The following AKAP19 variants were observed in gnomAD, a reference collection of about 807,000 sequenced individuals.
The protein encoded by AKAP19 is small A-kinase anchoring protein.
chr2:189,886,589 G>A, the AKAP19 span, among the ~76,000 whole-genome samples: 2 of 152,246 alleles, frequency 1.3e-5, no homozygotes, highest in South Asian at 2.1e-4. Flanking sequence ...ATGTTAAGTC[G>A]GAAGAATAGA....
the AKAP19 span, chr2:190,137,756 G>A: frequency 1.1e-4 from 1 of 9,370 alleles, no homozygotes; most frequent in East Asian, 7.0e-3. Flanking sequence ...TAGGCAGAGT[G>A]GCTGGGAGCC....
At chr2:190,004,932 C>T in the AKAP19 span, among the ~76,000 whole-genome samples, 1 of 152,210 alleles carries the variant, frequency 6.6e-6, no homozygotes, top group Non-Finnish European at 1.5e-5. Flanking sequence ...CAATTCATTC[C>T]TTCCCATGGG....
the AKAP19 span, among the ~76,000 whole-genome samples, chr2:190,153,275 A>T: frequency 6.6e-6 from 1 of 152,194 alleles, no homozygotes; most frequent in African/African-American, 2.4e-5. Context: ...ATATCCTGCT[A>T]CTTTGCTGAA....
the AKAP19 span, among the ~76,000 whole-genome samples, chr2:189,926,305 G>GT: frequency 6.6e-6 from 1 of 151,870 alleles, no homozygotes; most frequent in South Asian, 2.1e-4. Context: ...TTTGTTTTTT[G>GT]TTTTTTTGAG....
the AKAP19 span, among the ~76,000 whole-genome samples, chr2:189,926,453 ATTTTTTGGG>A: frequency 2.0e-5 from 3 of 149,504 alleles, no homozygotes; most frequent in Non-Finnish European, 4.4e-5. Flanking sequence ...TGCCCCGCTA[ATTTTTTGGG>A]TTTTTAGTAG....
chr2:190,010,467 A>G, the AKAP19 span, among the ~76,000 whole-genome samples: 1 of 152,334 alleles, frequency 6.6e-6, no homozygotes, highest in East Asian at 1.9e-4. Flanking sequence ...GCTGAGCAAC[A>G]TTCAGGGTAA....
the AKAP19 span, among the ~76,000 whole-genome samples, chr2:189,888,287 C>A: frequency 6.6e-6 from 1 of 151,994 alleles, no homozygotes; most frequent in Non-Finnish European, 1.5e-5. Context: ...ATTTCTGAGG[C>A]CTGTTCTATT....
chr2:190,180,220 G>A, the AKAP19 span, among the ~76,000 whole-genome samples: 1 of 152,246 alleles, frequency 6.6e-6, no homozygotes, highest in African/African-American at 2.4e-5. This position sits in a 1 kb window ranked among gnomAD's most constrained non-coding sequence, Gnocchi z 6.8. Flanking sequence ...GCGAGAGTGG[G>A]GTTTCAGGTC....
the AKAP19 span, chr2:189,930,738 A>G: frequency 3.0e-6 from 2 of 658,878 alleles, no homozygotes; most frequent in Non-Finnish European, 5.5e-6. Context: ...TACAGATCAC[A>G]CACTCCCAGA....
the AKAP19 span, among the ~76,000 whole-genome samples, chr2:190,014,334 C>G: frequency 1.3e-5 from 2 of 152,086 alleles, no homozygotes; most frequent in Non-Finnish European, 2.9e-5. Context: ...AGAGGCATGT[C>G]ATATATGGCA....
the AKAP19 span, among the ~76,000 whole-genome samples, chr2:190,155,077 G>C: frequency 1.2e-4 from 19 of 152,194 alleles, no homozygotes; most frequent in African/African-American, 3.4e-4. Context: ...ACAGAAGCAG[G>C]GACAGCCAAC....
chr2:189,977,676 G>A, the AKAP19 span, among the ~76,000 whole-genome samples: 1 of 152,206 alleles, frequency 6.6e-6, no homozygotes, highest in Non-Finnish European at 1.5e-5. Flanking sequence ...AAAACAAGAT[G>A]TAACTGCTGG....
the AKAP19 span, among the ~76,000 whole-genome samples, chr2:189,975,778 C>T: frequency 1.3e-5 from 2 of 152,160 alleles, no homozygotes; most frequent in East Asian, 3.9e-4. Flanking sequence ...ATCGAATCGG[C>T]TACTGAAGCT....
At chr2:190,163,163 G>A in the AKAP19 span, among the ~76,000 whole-genome samples, 2 of 152,154 alleles carry the variant, frequency 1.3e-5, no homozygotes, top group Admixed American at 6.5e-5. Context: ...GGCCGGGCGC[G>A]GTGGCTCACG....
the AKAP19 span, among the ~76,000 whole-genome samples, chr2:189,955,475 G>C: frequency 6.6e-6 from 1 of 152,174 alleles, no homozygotes; most frequent in African/African-American, 2.4e-5. Flanking sequence ...CTTTGGGTAG[G>C]TACCCAGTAG....
At chr2:190,063,245 A>G in the AKAP19 span, among the ~76,000 whole-genome samples, 1 of 152,166 alleles carries the variant, frequency 6.6e-6, no homozygotes, top group East Asian at 1.9e-4. Flanking sequence ...ATACTAGTTG[A>G]GAATTTTCAT....
the AKAP19 span, among the ~76,000 whole-genome samples, chr2:189,945,707 GTTA>G: frequency 6.6e-6 from 1 of 152,128 alleles, no homozygotes; most frequent in Non-Finnish European, 1.5e-5. Context: ...ATTCAAATAT[GTTA>G]TTATCATTGT....
the AKAP19 span, among the ~76,000 whole-genome samples, chr2:190,038,901 T>TTTCCTCTTCTTCTTCTTC: frequency 6.5e-5 from 3 of 46,002 alleles, no homozygotes; most frequent in Admixed American, 5.2e-4. Context: ...TCTTTCTTTC[T>TTTCCTCTTCTTCTTCTTC]TTCTTCTTCT....
the AKAP19 span, among the ~76,000 whole-genome samples, chr2:189,942,812 G>A: frequency 3.3e-5 from 5 of 152,194 alleles, no homozygotes; most frequent in Non-Finnish European, 5.9e-5. Context: ...GTGGAAGTTT[G>A]GACTTCATAG....
Sources: allele counts gnomAD v4.1 joint callset (sites outside exome capture counted in the v4.1 genomes callset), GRCh38; gene constraint gnomAD v4.1.1; non-coding constraint Gnocchi (gnomAD v3.1); transcripts MANE v1.5; gene names NCBI Gene and HGNC (gene_info 2026-07-23, HGNC 2026-07-21).